IGF2R: variants seen among roughly 807,000 people sequenced by gnomAD.
The protein encoded by IGF2R is cation-independent mannose-6-phosphate receptor.
In IGF2R, 91 loss-of-function variants were observed where a neutral mutation model predicts 270.6. That is an observed-to-expected ratio of 0.34 (90% CI 0.28 to 0.40). The LOEUF is 0.40. Among genes scored for constraint, IGF2R ranks in the 10% least tolerant of loss-of-function variants. The pLI is 1.00. For synonymous variants in IGF2R, 1,316 were observed against 1,258.9 expected (o/e 1.05, Z -0.96); for missense variants, 2,805 against 3,188.3 (o/e 0.88, Z 2.90).
At chr6:160,017,832 T>TG (rs1301514706) in intron 4 of IGF2R, among the ~76,000 whole-genome samples, 1 of 152,180 alleles carries the variant, frequency 6.6e-6, no homozygotes, top group Admixed American at 6.5e-5. Flanking sequence ...CAGTACTAGA[T>TG]GGACCATACA....
chr6:160,098,343 T>G (rs1394245640), intron 45 of IGF2R, among the ~76,000 whole-genome samples: 3 of 152,032 alleles, frequency 2.0e-5, no homozygotes, highest in African/African-American at 7.3e-5. Flanking sequence ...TGGGAGCTGT[T>G]TAAATCCCTT....
At chr6:159,995,239 C>G (rs1784034944) in intron 2 of IGF2R, among the ~76,000 whole-genome samples, 1 of 150,862 alleles carries the variant, frequency 6.6e-6, no homozygotes, top group African/African-American at 2.4e-5. Context: ...TCTCTTTTAT[C>G]TAAATGTTGC....
At chr6:160,100,853 C>T (rs146203232) in intron 45 of IGF2R, among the ~76,000 whole-genome samples, 5,874 of 115,800 alleles carry the variant, frequency 0.051, 206 homozygotes, top group Middle Eastern at 0.1. Flanking sequence ...TGCAGTGGTG[C>T]GATCTTGGCT....
Position 160,079,613 on chromosome 6 carries a change from G to C in IGF2R, c.5512G>C (p.Val1838Leu). 1.3e-6 allele frequency: 2 copies of C among 1,534,458 alleles called. No homozygotes were observed. Among genetic ancestry groups the C allele is most frequent in the Non-Finnish European group, 1.8e-6 (2 of 1,141,890 alleles). The part of the protein sequence containing the change: ...TRDSRTYSVG[V>L]CTFAVGPEQG... ...CGACTCGCGCACCTACAGCGTTGGG[G>C]TGTGCACCTTTGCAGTCGGGCCAGA... is the stretch of plus-strand genomic sequence containing the variant. Residue 1838 changes from valine (V) to leucine (L), a missense_variant, in exon 38 of 48, where the codon GTG becomes CTG. Around this residue, in one of 2 missense-constraint regions of IGF2R, gnomAD observed 1,851 missense variants for 2,207.2 expected, o/e 0.84. Transcript: ENST00000356956.
rs1250300025 is a variant in IGF2R at position 160,045,772 on chromosome 6, G to A, written c.1793G>A (p.Arg598Lys). ...PGDLESAPVL[R>K]TSGEGGCFYE... Reference sequence around the variant, plus strand: ...GATCTGGAAAGTGCACCAGTGTTGAGAACTTCTGGGGAAGGCGGTTGCTTT... The same window carrying A: ...GATCTGGAAAGTGCACCAGTGTTGAAAACTTCTGGGGAAGGCGGTTGCTTT... The change falls in exon 14 of 48, where the codon AGA (arginine) becomes AAA (lysine). Residue 598 changes from arginine to lysine, a missense_variant. Arg to Lys is a conservative substitution (Grantham distance 26). Coordinates refer to ENST00000356956, the MANE Select transcript of IGF2R (RefSeq NM_000876.4). 2 of 1,614,172 alleles carry A rather than the reference G, an allele frequency of 1.2e-6. No individual in the cohort carries two copies. The highest frequency in any genetic ancestry group is 3.3e-5 in the Admixed American group (2 of 60,024).
At chr6:160,038,458 A>G (rs1777872326) in intron 10 of IGF2R, among the ~76,000 whole-genome samples, 1 of 152,230 alleles carries the variant, frequency 6.6e-6, no homozygotes, top group South Asian at 2.1e-4. Context: ...CTGCCTGCAG[A>G]TTATTAGTAT....
At chr6:160,059,659 G>C (rs1778391664) in intron 22 of IGF2R, among the ~76,000 whole-genome samples, 1 of 152,212 alleles carries the variant, frequency 6.6e-6, no homozygotes, top group African/African-American at 2.4e-5. Flanking sequence ...ACTGTACCTA[G>C]AGTAGAAGCC....
chr6:159,971,905 C>T (rs184791571), intron 1 of IGF2R, among the ~76,000 whole-genome samples: 4 of 152,282 alleles, frequency 2.6e-5, no homozygotes, highest in South Asian at 2.1e-4. Flanking sequence ...AATCTTCCTG[C>T]GTCAGCCTCC....
Position 160,061,507 on chromosome 6 carries a change from G to C in IGF2R, c.3267G>C (p.Leu1089=), listed in dbSNP as rs1301767175. ...TGGTTTTTTGTTGTGTTTCAGACCT[G>C]GCTGGAAATGAGTACGACCTGACTG... The part of the protein sequence containing the change: ...PSPVDCQVTD[L]AGNEYDLTGL... The change falls in exon 24 of 48, where the codon CTG becomes CTC. Residue 1089 remains leucine (L), a synonymous_variant. Transcript: ENST00000356956. 2.0e-5 allele frequency: 33 copies of C among 1,613,764 alleles called. No individual in the cohort carries two copies. In the Admixed American group the frequency reaches 5.3e-4, roughly 26 times the overall value.
At chr6:160,040,884 A>T (rs1337936849) in intron 11 of IGF2R, among the ~76,000 whole-genome samples, 160 bp downstream of exon 11, 1 of 143,858 alleles carries the variant, frequency 7.0e-6, no homozygotes, top group Non-Finnish European at 1.6e-5. Context: ...TAGAAGGAGC[A>T]TTGGACTGGG....
chr6:160,007,924 T>G (rs961257351), intron 2 of IGF2R, among the ~76,000 whole-genome samples: 2 of 152,236 alleles, frequency 1.3e-5, no homozygotes, highest in Admixed American at 1.3e-4. Flanking sequence ...TTCTGCCAAG[T>G]TTTGAAGTTT....
At chr6:160,055,770 A>G (rs1778301182) in intron 19 of IGF2R, among the ~76,000 whole-genome samples, 1 of 152,168 alleles carries the variant, frequency 6.6e-6, no homozygotes, top group African/African-American at 2.4e-5. Context: ...AACAAAACTC[A>G]TAGTGCAGTC....
chr6:159,991,453 AT>A lies in IGF2R; in HGVS notation c.289+131del. 3 of 709,046 alleles carry A rather than the reference AT, an allele frequency of 4.2e-6. No individual in the cohort carries two copies. The South Asian group carries it at 6.2e-5, about 15-fold the overall frequency. The allele number at this position is 709,046 out of a possible 1,614,324, so 43.9% of individuals were successfully genotyped here. A position where few individuals can be genotyped will look rare whatever the true frequency, so the allele number is the denominator to read the frequency against. On this transcript the variant is annotated intron_variant, in intron 2 of 47. Coordinates refer to ENST00000356956, the MANE Select transcript of IGF2R (RefSeq NM_000876.4). Reference sequence around the variant, plus strand: ...TGTTTAGAAATCATAAGTGTTTATAATACATAATACACATTTGTTAGTAGTT... The same window carrying A: ...TGTTTAGAAATCATAAGTGTTTATAAACATAATACACATTTGTTAGTAGTT...
At chr6:160,029,724 C>T (rs1008454503) in intron 7 of IGF2R, 69 bp downstream of exon 7, 33 of 1,123,256 alleles carry the variant, frequency 2.9e-5, no homozygotes, top group Non-Finnish European at 3.8e-5. Flanking sequence ...GAACGCGTTT[C>T]TGGGCTTGGG....
At chr6:160,017,848 T>C (rs1777341762) in intron 4 of IGF2R, among the ~76,000 whole-genome samples, 1 of 152,208 alleles carries the variant, frequency 6.6e-6, no homozygotes, top group South Asian at 2.1e-4. Context: ...ATACAATTAA[T>C]GCCCAAAGGA....
At chr6:160,093,898 T>A (rs548547321) in intron 44 of IGF2R, 1 of 721,908 alleles carries the variant, frequency 1.4e-6, no homozygotes, top group Non-Finnish European at 2.6e-6. Flanking sequence ...AGGAGGCTGA[T>A]CAGCATGGGG....
intron 4 of IGF2R, among the ~76,000 whole-genome samples, chr6:160,014,507 G>T (rs1777240943): frequency 6.6e-6 from 1 of 152,202 alleles, no homozygotes; most frequent in African/African-American, 2.4e-5. Context: ...GTTGCTACCT[G>T]CCCCGAGCAG....
intron 37 of IGF2R, among the ~76,000 whole-genome samples, chr6:160,078,974 A>G (rs1016227267): frequency 6.6e-6 from 1 of 152,024 alleles, no homozygotes; most frequent in African/African-American, 2.4e-5. Flanking sequence ...AGATATCTAG[A>G]TGTTACCATG....
chr6:160,034,670 G>GT (rs1206939093), intron 10 of IGF2R, 148 bp downstream of exon 10: 5 of 514,612 alleles, frequency 9.7e-6, no homozygotes, highest in South Asian at 3.3e-5. Flanking sequence ...CCCAGACTGG[G>GT]TTTTTTCTGT....
Sources: gnomAD v4.1 joint callset for allele counts (sites outside exome capture counted in the v4.1 genomes callset) on GRCh38, gnomAD v4.1.1 for gene constraint, gnomAD v4.1.1 regional missense constraint, MANE v1.5 for transcripts, NCBI Gene and HGNC (gene_info 2026-07-23, HGNC 2026-07-21) for gene names.